The following PCDHA10 variants were observed in gnomAD, a reference collection of about 807,000 sequenced individuals.
PCDHA10 encodes protocadherin alpha-10.
Under a neutral mutation model 61.2 loss-of-function variants are expected in PCDHA10, and 45 were observed. The ratio of observed to expected loss-of-function variants is 0.74; its 90% CI spans 0.58 to 0.94. PCDHA10 has a LOEUF of 0.94. Among genes scored for constraint, PCDHA10 ranks in the 40% least tolerant of loss-of-function variants. The pLI, the probability that PCDHA10 is intolerant of heterozygous loss-of-function variation, is 0.00. For missense variants in PCDHA10, 1,278 were observed against 1,236.2 expected (o/e 1.03, Z -0.51); for synonymous variants, 602 against 548.8 (o/e 1.10, Z -1.35).
At chr5:140,884,416 G>A (rs1035372416) in intron 1 of PCDHA10, 22 of 1,613,888 alleles carry the variant, frequency 1.4e-5, no homozygotes, top group Non-Finnish European at 1.7e-5. Context: ...TCACGTTGCT[G>A]CTGTATACTG....
chr5:140,961,343 T>C (rs2095605708), intron 1 of PCDHA10, among the ~76,000 whole-genome samples: 1 of 152,210 alleles, frequency 6.6e-6, no homozygotes, highest in South Asian at 2.1e-4. Flanking sequence ...CAAGAGTGGA[T>C]CCCTGTAGTC....
chr5:140,955,049 G>T (rs2095130069), intron 1 of PCDHA10, among the ~76,000 whole-genome samples: 1 of 152,130 alleles, frequency 6.6e-6, no homozygotes, highest in Admixed American at 6.6e-5. Context: ...CTCATTGCTT[G>T]TTTTTGTCAG....
chr5:140,968,383 T>C, intron 1 of PCDHA10: 1 of 1,614,044 alleles, frequency 6.2e-7, no homozygotes. Context: ...CCTTTGACTA[T>C]GAGAAGTTTC....
intron 1 of PCDHA10, chr5:140,883,644 A>C (rs2059725253): frequency 1.2e-6 from 2 of 1,613,018 alleles, no homozygotes; most frequent in Non-Finnish European, 1.7e-6. Flanking sequence ...GCGCAGCCCG[A>C]GTACACGGTG....
rs2098417470 is a variant in PCDHA10, at chr5:141,010,504, A to G, written c.*567A>G. On this transcript the variant is annotated 3_prime_UTR_variant, in exon 4 of 4. Coordinates refer to ENST00000307360, the MANE Select transcript of PCDHA10 (RefSeq NM_018901.4). ...AACTTAAAGGGACCAGACTTTCTAA[A>G]TCTTACAACTCAAGAGGTGGCAGCC... 3.6e-6 allele frequency: 2 copies of G among 549,616 alleles called. No homozygotes were observed. The allele number at this position is 549,616 out of a possible 1,614,324, so 34.0% of individuals were successfully genotyped here.
chr5:140,938,245 C>T (rs1008412260), intron 1 of PCDHA10, among the ~76,000 whole-genome samples: 1 of 152,168 alleles, frequency 6.6e-6, no homozygotes, highest in South Asian at 2.1e-4. Context: ...CATGCCTGGT[C>T]TTTTAAAAAC....
At chr5:140,883,128 C>G (rs782352091) in intron 1 of PCDHA10, 1 of 1,614,060 alleles carries the variant, frequency 6.2e-7, no homozygotes, top group Non-Finnish European at 8.5e-7. Flanking sequence ...CCTGTATGGC[C>G]TGCAGTGGTA....
intron 1 of PCDHA10, chr5:140,967,972 G>C: frequency 1.2e-6 from 2 of 1,614,190 alleles, no homozygotes; most frequent in Non-Finnish European, 1.7e-6. Flanking sequence ...AAGTGAGCCT[G>C]GGTCTGGAGG....
chr5:140,871,309 C>G (rs1554165416), intron 1 of PCDHA10: 1 of 1,614,028 alleles, frequency 6.2e-7, no homozygotes. Flanking sequence ...GCCGGGGAAG[C>G]CCACGCTGGT....
intron 1 of PCDHA10, among the ~76,000 whole-genome samples, chr5:140,872,045 C>G (rs1286579116): frequency 6.6e-6 from 1 of 152,208 alleles, no homozygotes; most frequent in East Asian, 1.9e-4. Flanking sequence ...AAGAATTCTC[C>G]CACTTCAGCC....
In PCDHA10 at chr5:140,904,730, A is replaced by AT. The variant is rs538757271; in HGVS notation, c.2388+46301dup. 7.6e-4 allele frequency among the ~76,000 whole-genome samples: 116 copies of AT among 152,104 alleles called. 1 individual carries two copies. The highest frequency in any genetic ancestry group is 6.8e-3 in the Middle Eastern group (2 of 294). On this transcript the variant is annotated intron_variant, in intron 1 of 3. Transcript: ENST00000307360. ...CACCACATTCTGGCCAACATCTATT[A>AT]TTTTTTTATTATGACCATTTTTGCA...
At chr5:140,884,373 T>C (rs1554181483) in intron 1 of PCDHA10, 2 of 1,613,958 alleles carry the variant, frequency 1.2e-6, no homozygotes, top group South Asian at 2.2e-5. Context: ...TACTTGATCA[T>C]TGCCATCTGC....
chr5:140,869,600 C>T lies in PCDHA10; in HGVS notation c.2388+11164C>T, dbSNP rs782754801. The stretch of plus-strand genomic sequence containing the variant: ...TCTGATGCTGACATTGAAGAGAATG[C>T]TCTATTGACCTACAGGCTAAGTAAA... On this transcript the variant is annotated intron_variant, in intron 1 of 3. Transcript: ENST00000307360. 1.9e-6 allele frequency: 3 copies of T among 1,613,922 alleles called. No homozygotes were observed. The African/African-American group carries it at 4.0e-5, about 22-fold the overall frequency.
chr5:140,944,664 T>A (rs2093679523), intron 1 of PCDHA10, among the ~76,000 whole-genome samples: 1 of 152,202 alleles, frequency 6.6e-6, no homozygotes, highest in South Asian at 2.1e-4. Context: ...ACCCCTTATT[T>A]ATCTATTCTG....
intron 1 of PCDHA10, among the ~76,000 whole-genome samples, chr5:140,889,720 T>G (rs1259294888): frequency 2.6e-5 from 4 of 152,240 alleles, no homozygotes; most frequent in African/African-American, 9.6e-5. Context: ...TCTTTGCTAC[T>G]GTCTCACTGA....
chr5:140,928,125 C>T, intron 1 of PCDHA10: 2 of 1,614,154 alleles, frequency 1.2e-6, no homozygotes, highest in Non-Finnish European at 1.7e-6. Context: ...TCAGTGAATA[C>T]CAAGTCCTGA....
rs1311256758 is a variant in PCDHA10 at position 140,857,805 on chromosome 5, C to A, written c.1757C>A (p.Ala586Glu). 13 of 1,597,714 alleles carry A rather than the reference C, an allele frequency of 8.1e-6. 1 individual carries two copies. The highest frequency in any genetic ancestry group is 1.7e-5 in the Admixed American group (1 of 59,256). The change falls in exon 1 of 4, where the codon GCG becomes GAG. Residue 586 changes from alanine to glutamate, a missense_variant. By Grantham distance (107) the Ala-to-Glu change is moderately radical. Transcript: ENST00000307360. ...GAGCTGGTGCTGCGGTCGGTGGTTG[C>A]GGGTCACGTGGTGGCTAAGGTGCGC... is the stretch of plus-strand genomic sequence containing the variant. Reference protein sequence around the residue: ...VSELVLRSVVAGHVVAKVRAV... With the variant: ...VSELVLRSVVEGHVVAKVRAV...
intron 1 of PCDHA10, among the ~76,000 whole-genome samples, chr5:140,971,546 A>G (rs1236125448): frequency 6.6e-6 from 1 of 152,146 alleles, no homozygotes; most frequent in African/African-American, 2.4e-5. Context: ...TGCCAGATCA[A>G]CCTGTTAAAT....
intron 1 of PCDHA10, chr5:140,860,591 G>A (rs1379623651): frequency 6.6e-6 from 1 of 152,168 alleles, no homozygotes; most frequent in Non-Finnish European, 1.5e-5. Context: ...TAGGAAAGGA[G>A]TTGGAAGCTC....
Sources: gnomAD v4.1 joint callset for allele counts (sites outside exome capture counted in the v4.1 genomes callset) on GRCh38, gnomAD v4.1.1 for gene constraint, MANE v1.5 for transcripts, NCBI Gene and HGNC (gene_info 2026-07-23, HGNC 2026-07-21) for gene names.